Variants in FKBP5 observed in about 807,000 individuals in gnomAD.
FKBP5 encodes the protein peptidyl-prolyl cis-trans isomerase FKBP5.
A neutral mutation model predicts 50.5 loss-of-function variants in FKBP5; 23 were observed. The observed-to-expected ratio is 0.46, with a 90% CI of 0.33 to 0.65. The LOEUF (loss-of-function observed/expected upper bound fraction) is 0.65. Ranked by LOEUF, FKBP5 falls within the 30% of genes least tolerant of loss-of-function variation. FKBP5 has a pLI of 0.02. For missense variants in FKBP5, 411 were observed against 553.1 expected, an observed-to-expected ratio of 0.74 and a Z score of 2.58; for synonymous variants, 176 against 190.6, an observed-to-expected ratio of 0.92 and a Z score of 0.63.
chr6:35,624,230 T>G (rs1763927960), intron 3 of FKBP5, among the ~76,000 whole-genome samples: 1 of 152,124 alleles, frequency 6.6e-6, no homozygotes, highest in Non-Finnish European at 1.5e-5. Context: ...GGCCTAGGGA[T>G]CATAGGGAGG....
chr6:35,644,613 A>G (rs530068799), intron 1 of FKBP5, among the ~76,000 whole-genome samples: 49 of 152,316 alleles, frequency 3.2e-4, no homozygotes, highest in African/African-American at 1.1e-3. Context: ...TGTTTGGCTC[A>G]GGATAAGCGA....
chr6:35,588,056 G>T (rs556755865), intron 7 of FKBP5, among the ~76,000 whole-genome samples: 119 of 148,544 alleles, frequency 8.0e-4, no homozygotes, highest in African/African-American at 2.7e-3. Flanking sequence ...ACGGAGTTTC[G>T]CTCTTGTTGT....
intron 2 of FKBP5, among the ~76,000 whole-genome samples, chr6:35,715,513 G>A (rs1488064829): frequency 1.3e-5 from 2 of 152,098 alleles, no homozygotes; most frequent in African/African-American, 4.8e-5. Context: ...AGACAAAGAG[G>A]GCCCCCCTCA....
chr6:35,606,096 A>AAAAT (rs1391404692), intron 5 of FKBP5, among the ~76,000 whole-genome samples: 4 of 152,274 alleles, frequency 2.6e-5, no homozygotes, highest in Non-Finnish European at 5.9e-5. Context: ...TCAGCACAGC[A>AAAAT]AAATAAGCTA....
At chr6:35,651,040 G>A (rs1413950857) in intron 1 of FKBP5, among the ~76,000 whole-genome samples, 1 of 152,084 alleles carries the variant, frequency 6.6e-6, no homozygotes, top group Non-Finnish European at 1.5e-5. Flanking sequence ...AAAGACAGAT[G>A]GATTTTCAAG....
chr6:35,722,277 A>T (rs1766625417), intron 1 of FKBP5, among the ~76,000 whole-genome samples: 1 of 152,140 alleles, frequency 6.6e-6, no homozygotes, highest in Non-Finnish European at 1.5e-5. Flanking sequence ...CGGTGCTCAG[A>T]GCAGCACCTG....
chr6:35,644,920 T>C (rs186613867), intron 1 of FKBP5, among the ~76,000 whole-genome samples: 21 of 152,318 alleles, frequency 1.4e-4, no homozygotes, highest in Middle Eastern at 3.4e-3. Context: ...AATAGATCTC[T>C]GGGTGTAAAG....
chr6:35,725,916 G>T (rs1227010965), intron 1 of FKBP5, among the ~76,000 whole-genome samples: 2 of 152,152 alleles, frequency 1.3e-5, no homozygotes, highest in African/African-American at 4.8e-5. Context: ...ACAGCTCGGG[G>T]CACCGCAGGG....
intron 8 of FKBP5, chr6:35,583,443 G>A (rs759925256): frequency 6.1e-6 from 6 of 985,300 alleles, no homozygotes; most frequent in Non-Finnish European, 7.2e-6. Flanking sequence ...CTTCACATAG[G>A]GCATTTTAAT....
intron 6 of FKBP5, among the ~76,000 whole-genome samples, chr6:35,596,834 TG>T (rs1358814403): frequency 6.6e-6 from 1 of 152,060 alleles, no homozygotes; most frequent in African/African-American, 2.4e-5. Flanking sequence ...TAAGAACAAG[TG>T]GCACAAGTTC....
At chr6:35,605,028 G>T (rs1380549476) in intron 5 of FKBP5, among the ~76,000 whole-genome samples, 1 of 151,832 alleles carries the variant, frequency 6.6e-6, no homozygotes, top group Non-Finnish European at 1.5e-5. Flanking sequence ...CGTGATCCAC[G>T]TGCCTCGGCC....
chr6:35,632,052 T>G (rs1408521271), intron 3 of FKBP5, among the ~76,000 whole-genome samples: 1 of 149,528 alleles, frequency 6.7e-6, no homozygotes. Context: ...CTGGGGGGAG[T>G]AGGGTAAAAG....
intron 8 of FKBP5, chr6:35,582,679 A>AAT: frequency 1.6e-5 from 16 of 985,340 alleles, no homozygotes; most frequent in Non-Finnish European, 1.9e-5. Flanking sequence ...AAGCTAAGAC[A>AAT]ATACTTAAAT....
At chr6:35,663,735 A>T (rs573571207) in intron 1 of FKBP5, among the ~76,000 whole-genome samples, 2 of 152,294 alleles carry the variant, frequency 1.3e-5, no homozygotes, top group Non-Finnish European at 2.9e-5. Context: ...GTCTGCCTTC[A>T]TGTTCAAACC....
In FKBP5 at chr6:35,696,346, A is replaced by T. The variant is rs912721301; in HGVS notation, c.-20+23982T>A. ...ACCAACCTGGACAACATGGCAAGAC[A>T]CTGGCTCTACAAAAAATTAGCCCAG... On this transcript the variant is annotated intron_variant, in intron 2 of 11. Transcript: ENST00000536438. Among the ~76,000 whole-genome samples the T allele has an allele frequency of 1.7e-4, 25 of 150,414 alleles. No homozygotes were observed. In the East Asian group the frequency reaches 5.0e-3, roughly 30 times the overall value.
upstream of FKBP5, among the ~76,000 whole-genome samples, chr6:35,690,465 T>TA (rs780318439): frequency 4.9e-3 from 637 of 130,474 alleles, 5 homozygotes; most frequent in African/African-American, 0.014. Flanking sequence ...GACTCCATTC[T>TA]AAAAAAAAAA....
At chr6:35,618,197 CAT>C (rs1279544107) in intron 5 of FKBP5, among the ~76,000 whole-genome samples, 1 of 152,112 alleles carries the variant, frequency 6.6e-6, no homozygotes, top group African/African-American at 2.4e-5. Context: ...AATGAACAAA[CAT>C]ATCAGGCAAC....
intron 2 of FKBP5, among the ~76,000 whole-genome samples, chr6:35,708,957 A>G (rs982030106): frequency 2.0e-5 from 3 of 152,186 alleles, no homozygotes; most frequent in African/African-American, 4.8e-5. Context: ...AGAGAAATCA[A>G]TGTCTAATTT....
intron 1 of FKBP5, among the ~76,000 whole-genome samples, chr6:35,662,847 G>C (rs1765109909): frequency 6.6e-6 from 1 of 152,174 alleles, no homozygotes. Context: ...TGAAATGTCT[G>C]TAAGACCCTG....
Sources: allele counts gnomAD v4.1 joint callset (sites outside exome capture counted in the v4.1 genomes callset), GRCh38; gene constraint gnomAD v4.1.1; transcripts MANE v1.5; gene names NCBI Gene and HGNC (gene_info 2026-07-23, HGNC 2026-07-21).